The following KCNQ1OT1 variants were observed in gnomAD, a reference collection of about 807,000 sequenced individuals.
KCNQ1OT1 encodes the protein KCNQ1 opposite strand/antisense transcript 1.
exon 1 of KCNQ1OT1, chr11:2,610,388 A>G: frequency 2.5e-6 from 1 of 398,334 alleles, no homozygotes; most frequent in South Asian, 1.3e-4. Context: ...AGCTGAAAGG[A>G]GAGCAAGTAT....
At chr11:2,656,841 T>C (rs1360385654) in exon 1 of KCNQ1OT1, 3 of 398,562 alleles carry the variant, frequency 7.5e-6, no homozygotes, top group Non-Finnish European at 1.3e-5. Flanking sequence ...TTTATAGTTA[T>C]GCTTTTCATA....
chr11:2,692,778 T>A (rs1291589930), exon 1 of KCNQ1OT1: 13 of 398,552 alleles, frequency 3.3e-5, no homozygotes, highest in African/African-American at 1.0e-4. Context: ...CTGCTGAGTG[T>A]TTGACAAATA....
At position 2,658,999 on chromosome 11, in the gene KCNQ1OT1, G is replaced by A. The variant is rs1849902123; in HGVS notation, n.40996C>T. 4 of 398,366 alleles carry A rather than the reference G, an allele frequency of 1.0e-5. No homozygotes were observed. The East Asian group carries it at 1.4e-4, about 14-fold the overall frequency. 24.7% of individuals were successfully genotyped at this position (398,366 alleles called of 1,614,324 possible). A position where few individuals can be genotyped will look rare whatever the true frequency, so the allele number is the denominator to read the frequency against. On this transcript the variant is annotated non_coding_transcript_exon_variant, in exon 1 of 1. Transcript: ENST00000597346. This position sits in a 1 kb window ranked among gnomAD's most constrained non-coding sequence, Gnocchi z 4.9. ...TCCAGTCAAAACAGTGTTTTTGAAA[G>A]CAACATATGCCAGCTCCTCCTCCTC...
exon 1 of KCNQ1OT1, chr11:2,697,821 A>C (rs972151836): frequency 2.5e-6 from 1 of 398,498 alleles, no homozygotes; most frequent in African/African-American, 2.1e-5. Context: ...AATTCTTTAT[A>C]GTTTTCTTGT....
Position 2,651,808 on chromosome 11 carries a change from A to T in KCNQ1OT1, n.48187T>A, listed in dbSNP as rs1435638891. 2 of 398,466 alleles carry T rather than the reference A, an allele frequency of 5.0e-6. No homozygotes were observed. Among genetic ancestry groups the T allele is most frequent in the Non-Finnish European group, 8.8e-6 (2 of 226,088 alleles). The allele number at this position is 398,466 out of a possible 1,614,324, so 24.7% of individuals were successfully genotyped here. On this transcript the variant is annotated non_coding_transcript_exon_variant, in exon 1 of 1. Transcript: ENST00000597346. This position sits in a 1 kb window ranked among gnomAD's most constrained non-coding sequence, Gnocchi z 6.1. ...CTGGGCCCCTTAAGAGTCCATTAGC[A>T]TTGGAATGGAGCCCACAGGACCATA...
Position 2,651,193 on chromosome 11 carries a change from G to GT in KCNQ1OT1, n.48801_48802insA. The stretch of plus-strand genomic sequence containing the variant: ...GCTTCCCTACTCAAATGTTCCGACA[G>GT]CTTCCTGTCACCCTGTCTTGTGTCA... On this transcript the variant is annotated non_coding_transcript_exon_variant, in exon 1 of 1. Coordinates refer to ENST00000597346, the Ensembl canonical transcript of KCNQ1OT1. The surrounding 1 kb of genome is among the most constrained non-coding windows in gnomAD (Gnocchi z 6.1). 2.5e-6 allele frequency: 1 copy of GT among 397,008 alleles called. No homozygotes were observed. The highest frequency in any genetic ancestry group is 3.6e-5 in the East Asian group (1 of 28,070). The allele number at this position is 397,008 out of a possible 1,614,324, so 24.6% of individuals were successfully genotyped here. A position where few individuals can be genotyped will look rare whatever the true frequency, so the allele number is the denominator to read the frequency against.
chr11:2,640,187 C>G (rs993613787), exon 1 of KCNQ1OT1: 7 of 389,930 alleles, frequency 1.8e-5, no homozygotes, highest in Non-Finnish European at 3.2e-5. Flanking sequence ...TACTTCGTCT[C>G]ACACTCAGTG....
chr11:2,664,954 C>T lies in KCNQ1OT1; in HGVS notation n.35041G>A, dbSNP rs1590017277. The T allele has an allele frequency of 2.5e-6, 1 of 398,612 alleles. No individual in the cohort carries two copies. Among genetic ancestry groups the T allele is most frequent in the Non-Finnish European group, 4.4e-6 (1 of 226,078 alleles). 24.7% of individuals were successfully genotyped at this position (398,612 alleles called of 1,614,324 possible). A position where few individuals can be genotyped will look rare whatever the true frequency, so the allele number is the denominator to read the frequency against. ...CCCCAGAGAGGTGAGGTCACTATAG[C>T]CTTGATTACGGGAAGGTCCCTGGGG... On this transcript the variant is annotated non_coding_transcript_exon_variant, in exon 1 of 1. Transcript: ENST00000597346. The surrounding 1 kb of genome is among the most constrained non-coding windows in gnomAD (Gnocchi z 5.1).
chr11:2,654,855 G>A lies in KCNQ1OT1; in HGVS notation n.45140C>T. The A allele has an allele frequency of 2.5e-6, 1 of 398,568 alleles. No individual in the cohort carries two copies. Among genetic ancestry groups the A allele is most frequent in the Non-Finnish European group, 4.4e-6 (1 of 226,088 alleles). 24.7% of individuals were successfully genotyped at this position (398,568 alleles called of 1,614,324 possible). On this transcript the variant is annotated non_coding_transcript_exon_variant, in exon 1 of 1. Transcript: ENST00000597346. The surrounding 1 kb of genome is among the most constrained non-coding windows in gnomAD (Gnocchi z 6.4). ...TATGTAGCCTCATGGGCAGCTCCAG[G>A]CCAGGTGGAGGGACATATTCTGGCA...
chr11:2,665,548 G>A (rs1472326183), exon 1 of KCNQ1OT1: 2 of 394,288 alleles, frequency 5.1e-6, no homozygotes, highest in Non-Finnish European at 8.9e-6. Flanking sequence ...TCACCCATCT[G>A]CAGCCACCAG....
At chr11:2,616,510 G>A (rs969143940) in exon 1 of KCNQ1OT1, 2 of 397,358 alleles carry the variant, frequency 5.0e-6, no homozygotes, top group Non-Finnish European at 8.9e-6. Context: ...TTCTTTTTCA[G>A]TGTGGGCATT....
chr11:2,642,052 T>G lies in KCNQ1OT1; in HGVS notation n.57943A>C, dbSNP rs1255530461. On this transcript the variant is annotated non_coding_transcript_exon_variant, in exon 1 of 1. Coordinates refer to ENST00000597346, the Ensembl canonical transcript of KCNQ1OT1. This position sits in a 1 kb window ranked among gnomAD's most constrained non-coding sequence, Gnocchi z 4.3. ...AGCCTTATATTTTTAAATCAGGCAG[T>G]GTGATGCATCCAACTTTGTTATTTT... 8 of 398,338 alleles carry G rather than the reference T, an allele frequency of 2.0e-5. No individual in the cohort carries two copies. The highest frequency in any genetic ancestry group is 3.6e-5 in the East Asian group (1 of 28,062). 24.7% of individuals were successfully genotyped at this position (398,338 alleles called of 1,614,324 possible). A position where few individuals can be genotyped will look rare whatever the true frequency, so the allele number is the denominator to read the frequency against.
exon 1 of KCNQ1OT1, chr11:2,632,069 G>C (rs1849363284): frequency 5.1e-6 from 2 of 395,674 alleles, no homozygotes; most frequent in Non-Finnish European, 8.9e-6. Flanking sequence ...TGTAGTCCCA[G>C]CTACTTGGGA....
At chr11:2,655,185 AC>A in exon 1 of KCNQ1OT1, 2 of 398,618 alleles carry the variant, frequency 5.0e-6, no homozygotes, top group East Asian at 7.1e-5. Flanking sequence ...AGAGGGTGAG[AC>A]TTGGCAGCCA....
Position 2,695,545 on chromosome 11 carries a change from G to A in KCNQ1OT1, n.4450C>T, listed in dbSNP as rs1193966525. On this transcript the variant is annotated non_coding_transcript_exon_variant, in exon 1 of 1. Coordinates refer to ENST00000597346, the Ensembl canonical transcript of KCNQ1OT1. The surrounding 1 kb of genome is among the most constrained non-coding windows in gnomAD (Gnocchi z 5.2). ...ACCAGCTCCAACTGCCCACCCCTATGGGCCATGCTGCCCTGAGCATGCACA... is the reference window on the plus strand; with the variant it reads ...ACCAGCTCCAACTGCCCACCCCTATAGGCCATGCTGCCCTGAGCATGCACA... 1 of 398,442 alleles carries A rather than the reference G, an allele frequency of 2.5e-6. No individual in the cohort carries two copies. Among genetic ancestry groups the A allele is most frequent in the African/African-American group, 2.1e-5 (1 of 48,598 alleles). The allele number at this position is 398,442 out of a possible 1,614,324, so 24.7% of individuals were successfully genotyped here.
In KCNQ1OT1 at chr11:2,611,359, A is replaced by T. The variant is rs1848977597; in HGVS notation, n.88636T>A. ...CTCAGCATCCCAAGTAGCTGGGACT[A>T]CAGGCATTTGCCACCATACCCAGCT... On this transcript the variant is annotated non_coding_transcript_exon_variant, in exon 1 of 1. Coordinates refer to ENST00000597346, the Ensembl canonical transcript of KCNQ1OT1. This position sits in a 1 kb window ranked among gnomAD's most constrained non-coding sequence, Gnocchi z 5.3. 1 of 397,410 alleles carries T rather than the reference A, an allele frequency of 2.5e-6. No individual in the cohort carries two copies. Among genetic ancestry groups the T allele is most frequent in the Non-Finnish European group, 4.4e-6 (1 of 225,964 alleles). 24.6% of individuals were successfully genotyped at this position (397,410 alleles called of 1,614,324 possible). A position where few individuals can be genotyped will look rare whatever the true frequency, so the allele number is the denominator to read the frequency against.
Position 2,654,555 on chromosome 11 carries a change from G to C in KCNQ1OT1, n.45440C>G. The C allele has an allele frequency of 2.5e-6, 1 of 398,724 alleles. No individual in the cohort carries two copies. The highest frequency in any genetic ancestry group is 1.3e-4 in the South Asian group (1 of 7,854). The allele number at this position is 398,724 out of a possible 1,614,324, so 24.7% of individuals were successfully genotyped here. On this transcript the variant is annotated non_coding_transcript_exon_variant, in exon 1 of 1. Transcript: ENST00000597346. The surrounding 1 kb of genome is among the most constrained non-coding windows in gnomAD (Gnocchi z 6.4). ...GGCTTGGGTTACACCTGGGAGATTA[G>C]GCCGGATTTTAATCAATCAGGAGGG... is the stretch of plus-strand genomic sequence containing the variant.
exon 1 of KCNQ1OT1, chr11:2,641,033 T>G (rs1849568529): frequency 5.0e-6 from 2 of 398,440 alleles, no homozygotes; most frequent in Non-Finnish European, 8.8e-6. Context: ...CCATTGTATA[T>G]ATTTACCTCA....
At chr11:2,680,066 T>C (rs1850365219) in exon 1 of KCNQ1OT1, 3 of 395,690 alleles carry the variant, frequency 7.6e-6, no homozygotes, top group Non-Finnish European at 1.3e-5. Context: ...GCTAATTTTT[T>C]TTTTTATTAG....
Sources: gnomAD v4.1 joint callset for allele counts on GRCh38, gnomAD v4.1.1 for gene constraint, Gnocchi (gnomAD v3.1) non-coding constraint, MANE v1.5 for transcripts, NCBI Gene and HGNC (gene_info 2026-07-23, HGNC 2026-07-21) for gene names.